The following KTN1 variants were observed in gnomAD, a reference collection of about 807,000 sequenced individuals.
KTN1 encodes the protein kinectin.
KTN1 carries 130 observed loss-of-function variants against 222.5 expected under a neutral mutation model. That is an observed-to-expected ratio of 0.58 (90% CI 0.51 to 0.68). The LOEUF (loss-of-function observed/expected upper bound fraction) is 0.68. Ranked by LOEUF, KTN1 falls within the 30% of genes least tolerant of loss-of-function variation. KTN1 has a pLI of 0.00. For missense variants in KTN1, 1,508 were observed against 1,500.4 expected, an observed-to-expected ratio of 1.01 and a Z score of -0.08; for synonymous variants, 512 against 496.3, an observed-to-expected ratio of 1.03 and a Z score of -0.42.
chr14:55,653,725 A>C (rs2141143766), intron 28 of KTN1, 129 bp downstream of exon 28: 1 of 625,626 alleles, frequency 1.6e-6, no homozygotes, highest in Admixed American at 2.9e-5. Context: ...TTATAATTCC[A>C]GACGCAAATA....
rs538244586 is a variant in KTN1, at chr14:55,595,068, G to A, written c.-31+14714G>A. Among the ~76,000 whole-genome samples the A allele has an allele frequency of 2.6e-3, 401 of 152,378 alleles. 1 individual carries two copies. Among genetic ancestry groups the A allele is most frequent in the African/African-American group, 8.9e-3 (369 of 41,592 alleles). On this transcript the variant is annotated intron_variant, in intron 1 of 43. Coordinates refer to ENST00000395314, the MANE Select transcript of KTN1 (RefSeq NM_001079521.2). ...AAATAGAACACATGCAGAAAAGACGGAGTTGTAGGAGCTGGAAGCTCATTG... is the reference window on the plus strand; with the variant it reads ...AAATAGAACACATGCAGAAAAGACGAAGTTGTAGGAGCTGGAAGCTCATTG...
At chr14:55,672,829 A>G in intron 38 of KTN1, 100 bp from the exon 39 acceptor site, 2 of 1,070,896 alleles carry the variant, frequency 1.9e-6, no homozygotes, top group Admixed American at 1.9e-5. Context: ...GTTTGAGTTG[A>G]TATAGTTTTA....
At chr14:55,621,116 A>C (rs1426039211) in intron 5 of KTN1, among the ~76,000 whole-genome samples, 2 of 152,204 alleles carry the variant, frequency 1.3e-5, no homozygotes, top group East Asian at 3.9e-4. Flanking sequence ...TCTTTGCTAA[A>C]ACATAGCAAG....
intron 31 of KTN1, among the ~76,000 whole-genome samples, chr14:55,660,206 C>T (rs2043968057): frequency 6.6e-6 from 1 of 151,960 alleles, no homozygotes; most frequent in Admixed American, 6.6e-5. Context: ...ATAGTCAGAC[C>T]TCGTCTCTAC....
chr14:55,631,625 A>T (rs1028405330), intron 7 of KTN1, among the ~76,000 whole-genome samples: 1 of 152,122 alleles, frequency 6.6e-6, no homozygotes, highest in Admixed American at 6.5e-5. Context: ...CTATAAAAAA[A>T]TTAAAAAGTT....
At chr14:55,594,718 C>G (rs1046869815) in intron 1 of KTN1, among the ~76,000 whole-genome samples, 1 of 151,944 alleles carries the variant, frequency 6.6e-6, no homozygotes, top group East Asian at 1.9e-4. Flanking sequence ...AGTTTTCACA[C>G]GTAGGTAAAT....
rs372736259 is a variant in KTN1 at position 55,680,688 on chromosome 14, T to A, written c.4069+1003T>A. 9.5e-6 allele frequency: 13 copies of A among 1,366,176 alleles called. No individual in the cohort carries two copies. The East Asian group carries it at 1.4e-4, about 14-fold the overall frequency. 84.6% of individuals were successfully genotyped at this position (1,366,176 alleles called of 1,614,324 possible). ...AGGAGCGTTTTGTCTCACTTTAGAG[T>A]GATCATCCTCTGGCCTACCTTGACA... On this transcript the variant is annotated intron_variant, in intron 43 of 43. Transcript: ENST00000395314.
intron 7 of KTN1, among the ~76,000 whole-genome samples, chr14:55,630,725 G>A (rs2040411087): frequency 2.0e-5 from 3 of 152,354 alleles, no homozygotes; most frequent in Admixed American, 1.3e-4. Flanking sequence ...CAGTGAAGGA[G>A]TTTAAGCAAC....
intron 5 of KTN1, 75 bp from the exon 6 acceptor site, chr14:55,627,837 G>A: frequency 1.2e-6 from 1 of 859,528 alleles, no homozygotes; most frequent in South Asian, 1.4e-5. Context: ...GTGTATATGT[G>A]CCACATTTCA....
In KTN1 at chr14:55,651,650, A is replaced by G. The variant is rs57436785; in HGVS notation, c.2566-240A>G. ...CTAGCCTAAAGAAAAAAAGCATCAC[A>G]TTAGTTAGACTTATTATTCATAACT... On this transcript the variant is annotated intron_variant, in intron 24 of 43. Transcript: ENST00000395314. 4,327 of 483,186 alleles carry G rather than the reference A, an allele frequency of 9.0e-3. 122 individuals are homozygous for G. Among genetic ancestry groups the G allele is most frequent in the African/African-American group, 0.064 (3,282 of 51,390 alleles). The allele number at this position is 483,186 out of a possible 1,614,324, so 29.9% of individuals were successfully genotyped here.
At chr14:55,675,203 T>C (rs1289970164) in intron 40 of KTN1, 4 of 152,210 alleles carry the variant, frequency 2.6e-5, no homozygotes, top group African/African-American at 9.7e-5. Flanking sequence ...CTTGCTCATA[T>C]TTAATTGGAA....
chr14:55,608,474 A>AT (rs1324452453), intron 1 of KTN1, among the ~76,000 whole-genome samples: 1 of 152,156 alleles, frequency 6.6e-6, no homozygotes, highest in Non-Finnish European at 1.5e-5. Context: ...ATTACATATG[A>AT]TTTTGACTTT....
intron 19 of KTN1, among the ~76,000 whole-genome samples, chr14:55,647,708 G>A (rs1265012645): frequency 1.3e-5 from 2 of 149,380 alleles, no homozygotes; most frequent in African/African-American, 4.9e-5. Context: ...ACTTTGGGAG[G>A]CCAAGGCGGG....
intron 1 of KTN1, chr14:55,607,486 G>C (rs939760099): frequency 5.9e-5 from 9 of 151,998 alleles, no homozygotes; most frequent in African/African-American, 1.9e-4. Flanking sequence ...TTTTTTCTTT[G>C]AGAAAGCGGG....
At chr14:55,622,568 G>A (rs2039300285) in intron 5 of KTN1, among the ~76,000 whole-genome samples, 1 of 152,124 alleles carries the variant, frequency 6.6e-6, no homozygotes, top group African/African-American at 2.4e-5. Context: ...ATTAGATGGT[G>A]CATTTAACTG....
At chr14:55,656,290 C>T (rs1245215287) in intron 29 of KTN1, 158 bp downstream of exon 29, 3 of 592,716 alleles carry the variant, frequency 5.1e-6, no homozygotes, top group Admixed American at 3.2e-5. Context: ...AGTAAGTACC[C>T]ATGCATAAAA....
At chr14:55,631,599 A>G (rs2040545000) in intron 7 of KTN1, among the ~76,000 whole-genome samples, 1 of 151,878 alleles carries the variant, frequency 6.6e-6, no homozygotes, top group South Asian at 2.1e-4. Context: ...CCTGGGCAAC[A>G]TAGTGGGACC....
At chr14:55,641,660 A>T in intron 17 of KTN1, 32 bp from the exon 18 acceptor site, 1 of 1,361,940 alleles carries the variant, frequency 7.3e-7, no homozygotes, top group Admixed American at 1.7e-5. Flanking sequence ...TTTTTTCTTA[A>T]TAAAACAGTA....
At chr14:55,659,036 T>C (rs541014853) in intron 30 of KTN1, among the ~76,000 whole-genome samples, 2 of 150,906 alleles carry the variant, frequency 1.3e-5, no homozygotes, top group Admixed American at 6.6e-5. Context: ...TTTCAAGTTA[T>C]AATTCTGCTT....
Sources: allele counts gnomAD v4.1 joint callset (sites outside exome capture counted in the v4.1 genomes callset), GRCh38; gene constraint gnomAD v4.1.1; transcripts MANE v1.5; gene names NCBI Gene and HGNC (gene_info 2026-07-23, HGNC 2026-07-21).